The following CFAP77 variants were observed in gnomAD, a reference collection of about 807,000 sequenced individuals.
CFAP77 encodes cilia and flagella associated protein 77.
CFAP77 carries 25 observed loss-of-function variants against 31.1 expected under a neutral mutation model. That is an observed-to-expected ratio of 0.80 (90% CI 0.59 to 1.12). The LOEUF is 1.12. Among genes scored for constraint, CFAP77 ranks in the 50% most tolerant of loss-of-function variants. The pLI is 0.00. For missense variants in CFAP77, 377 were observed against 397.3 expected, an observed-to-expected ratio of 0.95 and a Z score of 0.44; for synonymous variants, 151 against 159.9, an observed-to-expected ratio of 0.94 and a Z score of 0.42.
chr9:132,530,881 T>G (rs1852432844), intron 3 of CFAP77, among the ~76,000 whole-genome samples: 2 of 152,226 alleles, frequency 1.3e-5, no homozygotes, highest in African/African-American at 4.8e-5. Flanking sequence ...CTATGTTTTC[T>G]TCTAGAAGTT....
chr9:132,541,792 A>T (rs1182527098), intron 4 of CFAP77, among the ~76,000 whole-genome samples: 4 of 152,154 alleles, frequency 2.6e-5, no homozygotes, highest in Non-Finnish European at 5.9e-5. Flanking sequence ...AATACAATAA[A>T]ATCAGTAAAA....
chr9:132,420,256 G>T (rs13301456), intron 1 of CFAP77, among the ~76,000 whole-genome samples: 90,380 of 151,526 alleles, frequency 0.6, 32,332 homozygotes, highest in Non-Finnish European at 0.79. Flanking sequence ...TCCAGGCAGC[G>T]CAGACGGCTG....
chr9:132,422,912 G>A (rs1850246682), intron 1 of CFAP77, among the ~76,000 whole-genome samples: 1 of 152,226 alleles, frequency 6.6e-6, no homozygotes, highest in African/African-American at 2.4e-5. Context: ...ACAGATGGCA[G>A]GACGTGTCCT....
chr9:132,449,450 A>G (rs201263947), intron 1 of CFAP77, among the ~76,000 whole-genome samples: 15 of 138,280 alleles, frequency 1.1e-4, no homozygotes, highest in Non-Finnish European at 2.4e-4. Flanking sequence ...TTTTTTTTTT[A>G]TGTTTTACTT....
intron 1 of CFAP77, among the ~76,000 whole-genome samples, chr9:132,486,964 G>GGGGACCA (rs1851572483): frequency 6.6e-6 from 1 of 152,210 alleles, no homozygotes; most frequent in South Asian, 2.1e-4. Flanking sequence ...CCCGGGGAGC[G>GGGGACCA]GGGACCAGGC....
At chr9:132,551,929 G>C (rs939639521) in intron 5 of CFAP77, among the ~76,000 whole-genome samples, 1 of 152,208 alleles carries the variant, frequency 6.6e-6, no homozygotes, top group South Asian at 2.1e-4. Flanking sequence ...TGTCGTGGCC[G>C]GGCCTGCTCC....
Position 132,501,489 on chromosome 9 carries a change from C to T in CFAP77, c.524+1889C>T, listed in dbSNP as rs1851842022. ...TCTCAGCTCACTGCAACCTCTGTCTCCCTTCCAGGTTCCAGTGATTCTCCT... is the reference window on the plus strand; with the variant it reads ...TCTCAGCTCACTGCAACCTCTGTCTTCCTTCCAGGTTCCAGTGATTCTCCT... On this transcript the variant is annotated intron_variant, in intron 3 of 5. Coordinates refer to ENST00000393216, the MANE Select transcript of CFAP77 (RefSeq NM_001282957.2). The surrounding 1 kb of genome is among the most constrained non-coding windows in gnomAD (Gnocchi z 4.6). Among the ~76,000 whole-genome samples, 1 of 151,658 alleles carries T rather than the reference C, an allele frequency of 6.6e-6. No individual in the cohort carries two copies. The highest frequency in any genetic ancestry group is 2.1e-4 in the South Asian group (1 of 4,818).
At chr9:132,425,140 A>C (rs1297394066) in intron 1 of CFAP77, among the ~76,000 whole-genome samples, 2 of 152,108 alleles carry the variant, frequency 1.3e-5, no homozygotes, top group Non-Finnish European at 1.5e-5. Flanking sequence ...AGATTATACC[A>C]TTTAGGCCTT....
chr9:132,508,458 G>T (rs186422602), intron 3 of CFAP77, among the ~76,000 whole-genome samples: 1 of 152,166 alleles, frequency 6.6e-6, no homozygotes, highest in Non-Finnish European at 1.5e-5. Flanking sequence ...GGGCGGGAGA[G>T]GGGGAGGGTG....
Position 132,545,336 on chromosome 9 carries a change from G to A in CFAP77, c.732+2289G>A, listed in dbSNP as rs1219255409. On this transcript the variant is annotated intron_variant, in intron 5 of 5. Transcript: ENST00000393216. This position sits in a 1 kb window ranked among gnomAD's most constrained non-coding sequence, Gnocchi z 4.6. ...CAGGTGGTGCAGATGAAAGGCAGAG[G>A]GGGAGCACCTTCCTTGCCCAGAGAG... Among the ~76,000 whole-genome samples, 1 of 152,224 alleles carries A rather than the reference G, an allele frequency of 6.6e-6. No homozygotes were observed. Among genetic ancestry groups the A allele is most frequent in the Non-Finnish European group, 1.5e-5 (1 of 68,054 alleles).
At chr9:132,561,849 G>C (rs572288622) in intron 5 of CFAP77, among the ~76,000 whole-genome samples, 6 of 152,324 alleles carry the variant, frequency 3.9e-5, no homozygotes, top group African/African-American at 1.4e-4. Context: ...GGCAAGGAAA[G>C]AGGGAAGGGG....
chr9:132,473,754 G>A (rs560432864), intron 1 of CFAP77, among the ~76,000 whole-genome samples: 1 of 152,294 alleles, frequency 6.6e-6, no homozygotes, highest in African/African-American at 2.4e-5. Flanking sequence ...TGCGATCTCA[G>A]CTCACTACAA....
chr9:132,462,002 G>A (rs952495656), intron 1 of CFAP77, among the ~76,000 whole-genome samples: 1 of 152,166 alleles, frequency 6.6e-6, no homozygotes, highest in African/African-American at 2.4e-5. Context: ...CCTTGCACAC[G>A]GCAGGCACCT....
chr9:132,572,341 A>G (rs72767844), intron 5 of CFAP77, 47 bp from the exon 6 acceptor site: 125,814 of 1,595,432 alleles, frequency 0.079, 5,617 homozygotes, highest in Non-Finnish European at 0.092. Flanking sequence ...GGAATGAGCT[A>G]CACTGAAGTC....
At chr9:132,506,479 G>A (rs1851932555) in intron 3 of CFAP77, among the ~76,000 whole-genome samples, 1 of 151,976 alleles carries the variant, frequency 6.6e-6, no homozygotes, top group Non-Finnish European at 1.5e-5. Flanking sequence ...GGGCCCGGCA[G>A]CAGCTGGCGC....
intron 1 of CFAP77, among the ~76,000 whole-genome samples, chr9:132,462,820 AT>A (rs1851076204): frequency 6.8e-6 from 1 of 146,532 alleles, no homozygotes; most frequent in African/African-American, 2.6e-5. Flanking sequence ...CCGTCTCAAA[AT>A]AAAAATAAAA....
chr9:132,500,447 G>A (rs1851823292), intron 3 of CFAP77, among the ~76,000 whole-genome samples: 1 of 152,212 alleles, frequency 6.6e-6, no homozygotes, highest in Non-Finnish European at 1.5e-5. Context: ...ACAAGTATTA[G>A]CTACTGTTCA....
chr9:132,497,254 G>A lies in CFAP77; in HGVS notation c.196-1441G>A, dbSNP rs1851759097. On this transcript the variant is annotated intron_variant, in intron 1 of 5. Transcript: ENST00000393216. This position sits in a 1 kb window ranked among gnomAD's most constrained non-coding sequence, Gnocchi z 4.9. ...GGGTTTATTTCAGAGGCAGTGATGA[G>A]CCACGCTGGGTGGTCCTTGACCATC... Among the ~76,000 whole-genome samples, 1 of 152,188 alleles carries A rather than the reference G, an allele frequency of 6.6e-6. No homozygotes were observed. Among genetic ancestry groups the A allele is most frequent in the Non-Finnish European group, 1.5e-5 (1 of 68,030 alleles).
chr9:132,513,484 G>T lies in CFAP77; in HGVS notation c.524+13884G>T. 6.2e-6 allele frequency: 7 copies of T among 1,126,358 alleles called. No homozygotes were observed. In the South Asian group the frequency reaches 1.2e-4, roughly 20 times the overall value. The allele number at this position is 1,126,358 out of a possible 1,614,324, so 69.8% of individuals were successfully genotyped here. A position where few individuals can be genotyped will look rare whatever the true frequency, so the allele number is the denominator to read the frequency against. On this transcript the variant is annotated intron_variant, in intron 3 of 5. Transcript: ENST00000393216. ...GAGGACCCTCCCGAGGTTGGAGCACGCATGCTTTCCACCCAGCGTGCCCAG... is the reference window on the plus strand; with the variant it reads ...GAGGACCCTCCCGAGGTTGGAGCACTCATGCTTTCCACCCAGCGTGCCCAG...
Sources: allele counts gnomAD v4.1 joint callset (sites outside exome capture counted in the v4.1 genomes callset), GRCh38; gene constraint gnomAD v4.1.1; non-coding constraint Gnocchi (gnomAD v3.1); transcripts MANE v1.5; gene names NCBI Gene and HGNC (gene_info 2026-07-23, HGNC 2026-07-21).